Variants in OR7A10 observed in about 807,000 individuals in gnomAD.
OR7A10 encodes olfactory receptor family 7 subfamily A member 10.
For missense variants in OR7A10, 358 were observed against 370.1 expected, an observed-to-expected ratio of 0.97 and a Z score of 0.27; for synonymous variants, 144 against 144.5, an observed-to-expected ratio of 1.00 and a Z score of 0.02.
At chr19:14,845,432 G>A (rs1040106761) in intron 1 of OR7A10, among the ~76,000 whole-genome samples, 32 of 151,812 alleles carry the variant, frequency 2.1e-4, no homozygotes, top group Middle Eastern at 3.2e-3. Context: ...TTGAGATTGC[G>A]CCCCTGGACT....
At chr19:14,842,059 A>G (rs563704965) in intron 1 of OR7A10, among the ~76,000 whole-genome samples, 170 bp from the exon 2 acceptor site, 1 of 152,370 alleles carries the variant, frequency 6.6e-6, no homozygotes, top group African/African-American at 2.4e-5. Flanking sequence ...TATTTATCAC[A>G]TATAACATGA....
At position 14,844,581 on chromosome 19, in the gene OR7A10, C is replaced by T. The variant is rs531310706; in HGVS notation, c.-12-2692G>A. ...CTCGGTCCTGATGTTGTTGCATTTG[C>T]ACTTTGGTAATTTGGTTGCAAAGGT... On this transcript the variant is annotated intron_variant, in intron 1 of 1. Coordinates refer to ENST00000641129, the MANE Select transcript of OR7A10 (RefSeq NM_001005190.2). Among the ~76,000 whole-genome samples, 8 of 151,886 alleles carry T rather than the reference C, an allele frequency of 5.3e-5. No homozygotes were observed. In the South Asian group the frequency reaches 1.5e-3, roughly 28 times the overall value.
intron 1 of OR7A10, among the ~76,000 whole-genome samples, chr19:14,846,362 A>G (rs2044942591): frequency 6.6e-6 from 1 of 152,220 alleles, no homozygotes; most frequent in African/African-American, 2.4e-5. Context: ...TACAACAAGG[A>G]ATGACAGTTA....
intron 1 of OR7A10, among the ~76,000 whole-genome samples, chr19:14,844,812 GC>G (rs916584811): frequency 7.3e-5 from 11 of 151,524 alleles, no homozygotes; most frequent in Admixed American, 7.2e-4. Flanking sequence ...ATAGGCGCCT[GC>G]TACCACACCC....
At chr19:14,845,070 AACACACAC>A (rs200527978) in intron 1 of OR7A10, among the ~76,000 whole-genome samples, 75 of 141,702 alleles carry the variant, frequency 5.3e-4, no homozygotes, top group Non-Finnish European at 8.7e-4. Flanking sequence ...CACACACACA[AACACACAC>A]ACACACACAC....
At chr19:14,842,955 G>A (rs535038944) in intron 1 of OR7A10, among the ~76,000 whole-genome samples, 18 of 152,096 alleles carry the variant, frequency 1.2e-4, no homozygotes, top group African/African-American at 4.1e-4. Flanking sequence ...TCTAATATCA[G>A]AATCTATAAG....
intron 1 of OR7A10, among the ~76,000 whole-genome samples, chr19:14,842,098 AGG>A (rs2044917824): frequency 2.0e-5 from 3 of 152,234 alleles, no homozygotes; most frequent in African/African-American, 7.2e-5. Flanking sequence ...ATTTAGTTTC[AGG>A]GTTACATATG....
chr19:14,847,551 C>T (rs927569760), intron 1 of OR7A10, among the ~76,000 whole-genome samples: 2 of 151,992 alleles, frequency 1.3e-5, no homozygotes, highest in African/African-American at 4.8e-5. Context: ...CGCTCTGTCG[C>T]CCAGGCTGGA....
intron 1 of OR7A10, among the ~76,000 whole-genome samples, chr19:14,845,074 C>T (rs560345173): frequency 1.3e-5 from 2 of 149,644 alleles, no homozygotes; most frequent in African/African-American, 2.5e-5. Context: ...CACACAAACA[C>T]ACACACACAC....
chr19:14,841,858 G>T lies in OR7A10; in HGVS notation c.20C>A (p.Thr7Lys), dbSNP rs193247044. MKSWNNTIILEFLLLGI... is the reference protein window; with the variant it reads MKSWNNKIILEFLLLGI... Reference sequence around the variant, plus strand: ...CAGGAGAAGAAATTCTAAAATTATTGTATTGTTCCATGATTTCATCTTGTG... The same window carrying T: ...CAGGAGAAGAAATTCTAAAATTATTTTATTGTTCCATGATTTCATCTTGTG... The change falls in exon 2 of 2, where the codon ACA becomes AAA. Residue 7 changes from threonine (T) to lysine (K), a missense_variant. Transcript: ENST00000641129. The T allele has an allele frequency of 1.2e-6, 2 of 1,604,864 alleles. No individual in the cohort carries two copies. Among genetic ancestry groups the T allele is most frequent in the African/African-American group, 2.7e-5 (2 of 74,464 alleles).
At position 14,840,942 on chromosome 19, in the gene OR7A10, G is replaced by A. The variant is rs1298280274; in HGVS notation, c.*6C>T. ...AGTCACAGGCCTTTCTTGAAAAATA[G>A]CCTTTCTATTGCTTTCCTCTGAAGA... On this transcript the variant is annotated 3_prime_UTR_variant, in exon 2 of 2. Coordinates refer to ENST00000641129, the MANE Select transcript of OR7A10 (RefSeq NM_001005190.2). The A allele has an allele frequency of 4.4e-6, 7 of 1,588,184 alleles. No homozygotes were observed. The highest frequency in any genetic ancestry group is 5.1e-6 in the Non-Finnish European group (6 of 1,168,166).
intron 1 of OR7A10, among the ~76,000 whole-genome samples, chr19:14,846,981 G>A (rs567739259): frequency 1.3e-5 from 2 of 152,292 alleles, no homozygotes; most frequent in African/African-American, 2.4e-5. Flanking sequence ...CAATGTGACC[G>A]ATGGATGGAT....
At chr19:14,841,924 G>A (rs1346883728) in intron 1 of OR7A10, 35 bp from the exon 2 acceptor site, 5 of 1,266,108 alleles carry the variant, frequency 3.9e-6, no homozygotes, top group South Asian at 1.5e-5. Flanking sequence ...GAGAGAGAGT[G>A]AAAGAACATG....
At position 14,841,776 on chromosome 19, in the gene OR7A10, C is replaced by T; in HGVS notation, c.102G>A (p.Met34Ile). 6.2e-7 allele frequency: 1 copy of T among 1,614,046 alleles called. No homozygotes were observed. Among genetic ancestry groups the T allele is most frequent in the Non-Finnish European group, 8.5e-7 (1 of 1,180,010 alleles). Residue 34 changes from methionine to isoleucine, a missense_variant, in exon 2 of 2, where the codon ATG becomes ATA. Met to Ile is a conservative substitution (Grantham distance 10). Coordinates refer to ENST00000641129, the MANE Select transcript of OR7A10 (RefSeq NM_001005190.2). ...QAFLFGLFLS[M>I]YLVTVLGNLL... The stretch of plus-strand genomic sequence containing the variant: ...GGTTCCCGAGCACAGTGACCAGGTA[C>T]ATGGACAGGAACAGCCCAAAGAGGA...
chr19:14,844,782 C>A (rs370396719), intron 1 of OR7A10, among the ~76,000 whole-genome samples: 58 of 150,594 alleles, frequency 3.9e-4, no homozygotes, highest in African/African-American at 1.4e-3. Context: ...CCTGCCTCAG[C>A]CCCCTGAGTA....
rs541557419 is a variant in OR7A10 at position 14,847,165 on chromosome 19, A to G, written c.-13+1335T>C. Among the ~76,000 whole-genome samples the G allele has an allele frequency of 8.5e-5, 13 of 152,350 alleles. No individual in the cohort carries two copies. The South Asian group carries it at 1.9e-3, about 22-fold the overall frequency. On this transcript the variant is annotated intron_variant, in intron 1 of 1. Coordinates refer to ENST00000641129, the MANE Select transcript of OR7A10 (RefSeq NM_001005190.2). ...AAAATTGGCAAAAACTCCAAAGCTT[A>G]TATGTTAAAGAATGTAATAAAAAAC...
In OR7A10 at chr19:14,840,690, G is replaced by A; in HGVS notation, c.*258C>T. 1 of 315,304 alleles carries A rather than the reference G, an allele frequency of 3.2e-6. No individual in the cohort carries two copies. The highest frequency in any genetic ancestry group is 5.9e-6 in the Non-Finnish European group (1 of 170,896). 19.5% of individuals were successfully genotyped at this position (315,304 alleles called of 1,614,324 possible). A position where few individuals can be genotyped will look rare whatever the true frequency, so the allele number is the denominator to read the frequency against. On this transcript the variant is annotated 3_prime_UTR_variant, in exon 2 of 2. Transcript: ENST00000641129. ...GGCTCCTCTACTTCAATGAGTAGAT[G>A]TACCCCAACGAAAACAAATATTCCA...
rs73506465 is a variant in OR7A10, at chr19:14,845,528, C to T, written c.-13+2972G>A. ...TGATATATATGAATTTTGCTTAAAC[C>T]AAGCAATAATTTAAGGCAACAAGAA... On this transcript the variant is annotated intron_variant, in intron 1 of 1. Transcript: ENST00000641129. Among the ~76,000 whole-genome samples the T allele has an allele frequency of 8.3e-4, 126 of 151,952 alleles. No homozygotes were observed. In the Middle Eastern group the frequency reaches 0.01, roughly 12 times the overall value.
chr19:14,847,462 A>C (rs972487337), intron 1 of OR7A10, among the ~76,000 whole-genome samples: 4 of 152,168 alleles, frequency 2.6e-5, no homozygotes, highest in Non-Finnish European at 4.4e-5. Context: ...ATTGGTCTGG[A>C]TCTTTCTCAT....
Sources: gnomAD v4.1 joint callset for allele counts (sites outside exome capture counted in the v4.1 genomes callset) on GRCh38, gnomAD v4.1.1 for gene constraint, MANE v1.5 for transcripts, NCBI Gene and HGNC (gene_info 2026-07-23, HGNC 2026-07-21) for gene names.